NALF1: variants seen among roughly 807,000 people sequenced by gnomAD.
The protein encoded by NALF1 is family with sequence similarity 155 member A.
A neutral mutation model predicts 48.4 loss-of-function variants in NALF1; 3 were observed. The observed-to-expected ratio is 0.06, with a 90% CI of 0.03 to 0.16. NALF1 has a LOEUF of 0.16. NALF1 is among the 10% of genes least tolerant of loss of function. The pLI, the probability that NALF1 is intolerant of heterozygous loss-of-function variation, is 1.00. For missense variants in NALF1, 526 were observed against 571.5 expected, an observed-to-expected ratio of 0.92 and a Z score of 0.81; for synonymous variants, 262 against 245.7, an observed-to-expected ratio of 1.07 and a Z score of -0.62.
At chr13:107,401,047 G>A (rs1019963173) in intron 1 of NALF1, among the ~76,000 whole-genome samples, 7 of 152,078 alleles carry the variant, frequency 4.6e-5, no homozygotes, top group Admixed American at 2.0e-4. Flanking sequence ...GGCTTTTTGC[G>A]TTCCAGTGAC....
At chr13:107,183,289 C>T (rs9558965) in intron 2 of NALF1, among the ~76,000 whole-genome samples, 12,690 of 152,200 alleles carry the variant, frequency 0.083, 562 homozygotes, top group African/African-American at 0.12. Flanking sequence ...GCAGTGCACA[C>T]GTTGGTCTAC....
In NALF1 at chr13:107,743,655, C is replaced by T. The variant is rs142087614; in HGVS notation, c.915+122027G>A. Among the ~76,000 whole-genome samples, 729 of 152,304 alleles carry T rather than the reference C, an allele frequency of 4.8e-3. 4 individuals carry two copies. Among genetic ancestry groups the T allele is most frequent in the African/African-American group, 0.016 (685 of 41,564 alleles). ...GAGAGAGAAGATTTGAAGATAGCCA[C>T]GAAGCAATTCCTAACAGGAGGATAT... is the stretch of plus-strand genomic sequence containing the variant. On this transcript the variant is annotated intron_variant, in intron 1 of 2. Coordinates refer to ENST00000375915, the MANE Select transcript of NALF1 (RefSeq NM_001080396.3).
intron 1 of NALF1, among the ~76,000 whole-genome samples, chr13:107,270,711 T>C (rs1369469253): frequency 6.6e-6 from 1 of 151,984 alleles, no homozygotes; most frequent in East Asian, 1.9e-4. Context: ...ATGTGCACAA[T>C]GTGCAGGTTT....
intron 1 of NALF1, among the ~76,000 whole-genome samples, chr13:107,358,869 C>T (rs1447927393): frequency 6.6e-6 from 1 of 152,074 alleles, no homozygotes; most frequent in African/African-American, 2.4e-5. Flanking sequence ...AGGAATGGTT[C>T]CTATTGGCAG....
intron 1 of NALF1, among the ~76,000 whole-genome samples, chr13:107,762,367 T>C (rs1427732983): frequency 6.6e-6 from 1 of 151,988 alleles, no homozygotes; most frequent in Non-Finnish European, 1.5e-5. Flanking sequence ...GAAAGGTGAG[T>C]TATACATATG....
chr13:107,668,984 T>C (rs1275820503), intron 1 of NALF1, among the ~76,000 whole-genome samples: 1 of 152,078 alleles, frequency 6.6e-6, no homozygotes, highest in East Asian at 1.9e-4. Flanking sequence ...CAGTAAACCG[T>C]CCTCAAAAAT....
intron 1 of NALF1, among the ~76,000 whole-genome samples, chr13:107,383,292 A>C (rs920193386): frequency 3.9e-5 from 6 of 152,200 alleles, no homozygotes; most frequent in Admixed American, 1.3e-4. Flanking sequence ...TTTCTTCCAA[A>C]ATATAGTCAT....
intron 1 of NALF1, among the ~76,000 whole-genome samples, chr13:107,523,446 T>C (rs1594109047): frequency 6.6e-6 from 1 of 152,146 alleles, no homozygotes; most frequent in African/African-American, 2.4e-5. Flanking sequence ...TATGTATACA[T>C]GTGCCATGTT....
rs148621681 is a variant in NALF1 at position 107,859,944 on chromosome 13, T to C, written c.915+5738A>G. ...AAAAAAAAAAAAAAAAGAATCAGAG[T>C]AAATTAGAGCATTACATTGAAGAAA... On this transcript the variant is annotated intron_variant, in intron 1 of 2. Coordinates refer to ENST00000375915, the MANE Select transcript of NALF1 (RefSeq NM_001080396.3). Among the ~76,000 whole-genome samples the C allele has an allele frequency of 4.0e-3, 585 of 146,796 alleles. 2 individuals are homozygous for C. The highest frequency in any genetic ancestry group is 8.4e-3 in the Admixed American group (123 of 14,706).
rs150280906 is a variant in NALF1, at chr13:107,410,960, T to C, written c.916-200205A>G. 5.8e-4 allele frequency among the ~76,000 whole-genome samples: 88 copies of C among 152,258 alleles called. 1 individual carries two copies. The East Asian group carries it at 0.013, about 23-fold the overall frequency. The stretch of plus-strand genomic sequence containing the variant: ...CCTCAGATTTTCAATAATAGTAAGA[T>C]TGGGGACTGGAGATGGCACAATAAA... On this transcript the variant is annotated intron_variant, in intron 1 of 2. Transcript: ENST00000375915.
chr13:107,612,103 AGG>A (rs1594160259), intron 1 of NALF1, among the ~76,000 whole-genome samples: 1 of 22,924 alleles, frequency 4.4e-5, no homozygotes, highest in Admixed American at 6.2e-4. Flanking sequence ...GGGGAGGGGG[AGG>A]GAGGAAGGGG....
intron 1 of NALF1, among the ~76,000 whole-genome samples, chr13:107,672,911 C>G (rs984203690): frequency 1.3e-5 from 2 of 152,068 alleles, no homozygotes; most frequent in Non-Finnish European, 2.9e-5. Context: ...TCTCCCCGCG[C>G]CCCCACCGCC....
intron 1 of NALF1, among the ~76,000 whole-genome samples, chr13:107,786,948 C>T (rs545186207): frequency 6.6e-6 from 1 of 152,208 alleles, no homozygotes; most frequent in African/African-American, 2.4e-5. Flanking sequence ...ACAATGGACG[C>T]CTGAGATATC....
rs1277238623 is a variant in NALF1 at position 107,578,578 on chromosome 13, C to A, written c.915+287104G>T. On this transcript the variant is annotated intron_variant, in intron 1 of 2. Transcript: ENST00000375915. ...ATCATTCTGGCATTTAATTCATACT[C>A]ATTATATATTGCCTTGATGCTTTCC... Among the ~76,000 whole-genome samples, 5 of 152,104 alleles carry A rather than the reference C, an allele frequency of 3.3e-5. No individual in the cohort carries two copies. The South Asian group carries it at 6.2e-4, about 19-fold the overall frequency.
intron 1 of NALF1, among the ~76,000 whole-genome samples, chr13:107,255,806 A>C (rs1484783632): frequency 6.6e-6 from 1 of 152,112 alleles, no homozygotes; most frequent in Non-Finnish European, 1.5e-5. Flanking sequence ...AAAAATCTGA[A>C]CTCAGTTTTG....
intron 1 of NALF1, among the ~76,000 whole-genome samples, chr13:107,776,975 C>T (rs1048186195): frequency 5.3e-5 from 8 of 152,044 alleles, no homozygotes; most frequent in Middle Eastern, 3.4e-3. Context: ...GTCTATAGTC[C>T]CAGCTGCTTG....
At chr13:107,438,036 A>C (rs962483947) in intron 1 of NALF1, among the ~76,000 whole-genome samples, 7 of 152,222 alleles carry the variant, frequency 4.6e-5, no homozygotes, top group African/African-American at 1.7e-4. Flanking sequence ...GGGTATGTGG[A>C]CATCCAATGT....
intron 1 of NALF1, among the ~76,000 whole-genome samples, chr13:107,325,303 T>C (rs1882330551): frequency 6.6e-6 from 1 of 152,160 alleles, no homozygotes; most frequent in Non-Finnish European, 1.5e-5. Flanking sequence ...TGCATGATGA[T>C]GATGAGCTAA....
intron 1 of NALF1, among the ~76,000 whole-genome samples, chr13:107,860,625 C>T (rs781751232): frequency 1.3e-5 from 2 of 152,138 alleles, no homozygotes; most frequent in Non-Finnish European, 2.9e-5. Flanking sequence ...AATATATTTG[C>T]AATGTAGATC....
Sources: gnomAD v4.1 joint callset for allele counts (sites outside exome capture counted in the v4.1 genomes callset) on GRCh38, gnomAD v4.1.1 for gene constraint, MANE v1.5 for transcripts, NCBI Gene and HGNC (gene_info 2026-07-23, HGNC 2026-07-21) for gene names.